The following CD109 variants were observed in gnomAD, a reference collection of about 807,000 sequenced individuals.
CD109 encodes CD109 antigen.
Under a neutral mutation model 165.8 loss-of-function variants are expected in CD109, and 149 were observed. The observed-to-expected ratio is 0.90, with a 90% CI of 0.79 to 1.03. The LOEUF is 1.03. Ranked by LOEUF, CD109 falls within the 50% of genes least tolerant of loss-of-function variation. CD109 has a pLI of 0.00. For synonymous variants in CD109, 585 were observed against 592.1 expected (o/e 0.99, Z 0.18); for missense variants, 1,712 against 1,677.8 (o/e 1.02, Z -0.36).
At chr6:73,761,062 CACACACACAA>C (rs1294721433) in intron 7 of CD109, among the ~76,000 whole-genome samples, 103 of 142,582 alleles carry the variant, frequency 7.2e-4, no homozygotes, top group African/African-American at 2.5e-3. Flanking sequence ...CACACACACA[CACACACACAA>C]ACCCAGAAAC....
At chr6:73,699,136 G>A (rs755647212) in intron 2 of CD109, among the ~76,000 whole-genome samples, 1 of 152,070 alleles carries the variant, frequency 6.6e-6, no homozygotes, top group Non-Finnish European at 1.5e-5. Context: ...AGTCGCTAAA[G>A]AAAATATTGA....
At chr6:73,765,896 T>C in intron 10 of CD109, 34 bp from the exon 11 acceptor site, 1 of 1,422,862 alleles carries the variant, frequency 7.0e-7, no homozygotes, top group Non-Finnish European at 9.9e-7. Context: ...CTTAAATCCT[T>C]TGTGTTTTTA....
the CD109 span, among the ~76,000 whole-genome samples, chr6:73,685,092 C>T: frequency 2.0e-5 from 3 of 151,498 alleles, no homozygotes; most frequent in African/African-American, 4.9e-5. Flanking sequence ...TTAGTGGAGA[C>T]GGGGTTTCAC....
chr6:73,772,373 C>T (rs951913153), intron 15 of CD109, among the ~76,000 whole-genome samples: 4 of 151,682 alleles, frequency 2.6e-5, no homozygotes, highest in South Asian at 2.1e-4. Flanking sequence ...GGCGCGGTGG[C>T]GGGCGCCTGT....
chr6:73,696,364 G>C (rs1382407713), intron 1 of CD109, 75 bp downstream of exon 1: 2 of 1,234,498 alleles, frequency 1.6e-6, no homozygotes, highest in African/African-American at 1.6e-5. Flanking sequence ...CCAGGGCTTC[G>C]GGGAGGTGGC....
the CD109 span, among the ~76,000 whole-genome samples, chr6:73,685,349 A>AT: frequency 2.0e-5 from 3 of 150,508 alleles, no homozygotes; most frequent in Non-Finnish European, 1.5e-5. Flanking sequence ...TACTCTGATG[A>AT]TTTTTTTTTC....
intron 23 of CD109, among the ~76,000 whole-genome samples, chr6:73,796,788 A>G (rs1451196330): frequency 6.6e-6 from 1 of 152,194 alleles, no homozygotes; most frequent in Non-Finnish European, 1.5e-5. Flanking sequence ...TGGCCTTGGC[A>G]TTCTCTTAGC....
intron 14 of CD109, among the ~76,000 whole-genome samples, chr6:73,769,433 A>G (rs1221703082): frequency 1.3e-5 from 2 of 152,216 alleles, no homozygotes; most frequent in Non-Finnish European, 2.9e-5. Context: ...AGCTGGTTAC[A>G]GTGTAAAAGA....
intron 4 of CD109, among the ~76,000 whole-genome samples, 191 bp downstream of exon 4, chr6:73,730,765 T>A (rs1264452341): frequency 6.6e-6 from 1 of 151,992 alleles, no homozygotes; most frequent in Admixed American, 6.6e-5. Flanking sequence ...GCCTCTAGAG[T>A]CAACCTGCTT....
chr6:73,723,335 ATAAAT>A (rs1163052834), intron 3 of CD109, 56 bp downstream of exon 3: 18 of 1,257,678 alleles, frequency 1.4e-5, no homozygotes, highest in Middle Eastern at 2.0e-4. Flanking sequence ...AGTGAACTAA[ATAAAT>A]TAATATTTTA....
intron 7 of CD109, among the ~76,000 whole-genome samples, chr6:73,761,004 A>G (rs1478364640): frequency 1.4e-5 from 2 of 146,364 alleles, no homozygotes; most frequent in Non-Finnish European, 3.0e-5. Context: ...ACAGAGTGAG[A>G]CTGTGTCTAA....
intron 11 of CD109, 141 bp from the exon 12 acceptor site, chr6:73,766,618 C>T: frequency 1.2e-5 from 7 of 589,180 alleles, no homozygotes; most frequent in South Asian, 4.3e-5. Flanking sequence ...GATGAAAATC[C>T]AATGTCTGGT....
At chr6:73,770,883 G>A (rs939661398) in intron 14 of CD109, among the ~76,000 whole-genome samples, 1 of 152,210 alleles carries the variant, frequency 6.6e-6, no homozygotes, top group Non-Finnish European at 1.5e-5. Context: ...GGGTAATGGT[G>A]AGGAAGTTTA....
At position 73,790,189 on chromosome 6, in the gene CD109, G is replaced by T. The variant is rs542945327; in HGVS notation, c.2701+1577G>T. Among the ~76,000 whole-genome samples, 15 of 148,368 alleles carry T rather than the reference G, an allele frequency of 1.0e-4. 1 individual carries two copies. In the East Asian group the frequency reaches 1.6e-3, roughly 16 times the overall value. Reference sequence around the variant, plus strand: ...GGTTTACTGCAACCACCGCCTACTGGGTTTAAGCAGTTCTTATACCTTGGC... The same window carrying T: ...GGTTTACTGCAACCACCGCCTACTGTGTTTAAGCAGTTCTTATACCTTGGC... On this transcript the variant is annotated intron_variant, in intron 22 of 32. Transcript: ENST00000287097.
rs909193897 is a variant in CD109, at chr6:73,826,944, CTA to C, written c.*3313_*3314del. 74 of 150,912 alleles carry C rather than the reference CTA, an allele frequency of 4.9e-4. No individual in the cohort carries two copies. Among genetic ancestry groups the C allele is most frequent in the African/African-American group, 1.7e-3 (70 of 40,988 alleles). 9.3% of individuals were successfully genotyped at this position (150,912 alleles called of 1,614,324 possible). A position where few individuals can be genotyped will look rare whatever the true frequency, so the allele number is the denominator to read the frequency against. On this transcript the variant is annotated 3_prime_UTR_variant, in exon 33 of 33. Transcript: ENST00000287097. The stretch of plus-strand genomic sequence containing the variant: ...AAGTAGTCTGTCAATATAATACCAA[CTA>C]TTTTTATTTTTACATAATTCAATTA...
At position 73,800,996 on chromosome 6, in the gene CD109, T is replaced by A. The variant is rs535614857; in HGVS notation, c.2879-2224T>A. ...AAATAGTCAAATGCATCAATTTTTTTATTTTATTGCATCTGGTGCTTAGAG... is the reference window on the plus strand; with the variant it reads ...AAATAGTCAAATGCATCAATTTTTTAATTTTATTGCATCTGGTGCTTAGAG... On this transcript the variant is annotated intron_variant, in intron 23 of 32. Transcript: ENST00000287097. 1.0e-3 allele frequency among the ~76,000 whole-genome samples: 153 copies of A among 152,378 alleles called. No homozygotes were observed. In the Middle Eastern group the frequency reaches 0.01, roughly 10 times the overall value.
intron 13 of CD109, among the ~76,000 whole-genome samples, chr6:73,767,422 A>G (rs9343075): frequency 0.6 from 90,953 of 151,650 alleles, 28,175 homozygotes; most frequent in East Asian, 0.85. Context: ...ATTCCGTAGT[A>G]TATGTGCACC....
chr6:73,694,373 G>C (rs62438660), upstream of CD109: 1 of 152,136 alleles, frequency 6.6e-6, no homozygotes, highest in South Asian at 2.1e-4. Context: ...ATTGTGGGAA[G>C]GAGGGCATAA....
intron 2 of CD109, among the ~76,000 whole-genome samples, chr6:73,702,532 G>A (rs967303848): frequency 2.0e-5 from 3 of 152,216 alleles, no homozygotes; most frequent in Non-Finnish European, 4.4e-5. Flanking sequence ...TTTAAAGGGT[G>A]TAGGCTTTTC....
Sources: gnomAD v4.1 joint callset for allele counts (sites outside exome capture counted in the v4.1 genomes callset) on GRCh38, gnomAD v4.1.1 for gene constraint, MANE v1.5 for transcripts, NCBI Gene and HGNC (gene_info 2026-07-23, HGNC 2026-07-21) for gene names.